RNF216: variants seen among roughly 807,000 people sequenced by gnomAD.
RNF216 encodes the protein ring finger protein 216.
A neutral mutation model predicts 110.8 loss-of-function variants in RNF216; 72 were observed. That is an observed-to-expected ratio of 0.65 (90% CI 0.54 to 0.79). The LOEUF is 0.79. Ranked by LOEUF, RNF216 falls within the 30% of genes least tolerant of loss-of-function variation. RNF216 has a pLI of 0.00. For synonymous variants in RNF216, 495 were observed against 407.5 expected, an observed-to-expected ratio of 1.21 and a Z score of -2.59; for missense variants, 1,342 against 1,141.2, an observed-to-expected ratio of 1.18 and a Z score of -2.54.
chr7:5,695,074 C>T (rs1239183732), intron 13 of RNF216, among the ~76,000 whole-genome samples: 2 of 152,134 alleles, frequency 1.3e-5, no homozygotes, highest in Non-Finnish European at 2.9e-5. Context: ...TAGGGAACTA[C>T]CCCTGAACCC....
intron 1 of RNF216, among the ~76,000 whole-genome samples, chr7:5,773,521 G>A (rs919699524): frequency 1.3e-5 from 2 of 152,026 alleles, no homozygotes; most frequent in Non-Finnish European, 2.9e-5. Context: ...GATTACAGGA[G>A]TGAGCCACCA....
intron 13 of RNF216, among the ~76,000 whole-genome samples, chr7:5,663,323 G>A (rs1295003244): frequency 2.0e-5 from 3 of 152,192 alleles, no homozygotes; most frequent in Non-Finnish European, 4.4e-5. Flanking sequence ...GCTTACGCCT[G>A]TAATCCCAGC....
chr7:5,634,700 G>C (rs1057308474), intron 15 of RNF216, among the ~76,000 whole-genome samples: 1 of 152,242 alleles, frequency 6.6e-6, no homozygotes, highest in Non-Finnish European at 1.5e-5. Context: ...CAAGGACCTG[G>C]AGATGGGGGC....
chr7:5,699,019 G>C (rs576373453), intron 13 of RNF216, among the ~76,000 whole-genome samples: 1 of 152,142 alleles, frequency 6.6e-6, no homozygotes, highest in African/African-American at 2.4e-5. Context: ...ACTGAAGACA[G>C]CTAGAGTTTT....
At chr7:5,655,068 T>G (rs1788647975) in intron 13 of RNF216, among the ~76,000 whole-genome samples, 1 of 152,248 alleles carries the variant, frequency 6.6e-6, no homozygotes, top group African/African-American at 2.4e-5. Context: ...TAGATACTTT[T>G]TAGCATTCCT....
intron 10 of RNF216, among the ~76,000 whole-genome samples, chr7:5,716,010 G>A (rs1793039354): frequency 6.6e-6 from 1 of 151,838 alleles, no homozygotes; most frequent in African/African-American, 2.4e-5. Context: ...CGAAGTGCTG[G>A]GATTACAGGA....
chr7:5,770,442 C>T (rs189783609), intron 1 of RNF216, among the ~76,000 whole-genome samples: 199 of 148,328 alleles, frequency 1.3e-3, no homozygotes, highest in African/African-American at 4.8e-3. Context: ...GCCTGGGCAA[C>T]GAGAGCAAAA....
chr7:5,768,141 A>G (rs1454903908), intron 1 of RNF216, among the ~76,000 whole-genome samples: 5 of 151,782 alleles, frequency 3.3e-5, no homozygotes, highest in Non-Finnish European at 7.4e-5. Flanking sequence ...TTCATTCATA[A>G]TGTCCAGACT....
chr7:5,639,957 C>T (rs565077148), intron 15 of RNF216, among the ~76,000 whole-genome samples: 38 of 151,800 alleles, frequency 2.5e-4, no homozygotes, highest in Non-Finnish European at 3.4e-4. Context: ...GACGGGGTTT[C>T]GCCATGTTAG....
At position 5,725,344 on chromosome 7, in the gene RNF216, A is replaced by G. The variant is rs1793684389; in HGVS notation, c.1484T>C (p.Ile495Thr). Reference sequence around the variant, plus strand: ...ATTACCTTGTTCAAACTTGAAATCAATGTAAGAATACTGGTTCATTTGTTT... The same window carrying G: ...ATTACCTTGTTCAAACTTGAAATCAGTGTAAGAATACTGGTTCATTTGTTT... ...KRKQMNQYSY[I>T]DFKFEQGDIK... is the part of the protein sequence containing the mutation. Residue 495 changes from isoleucine (I) to threonine (T), a missense_variant, in exon 8 of 17, where the codon ATT becomes ACT. By Grantham distance (89) the Ile-to-Thr change is moderately conservative. Transcript: ENST00000389902. The G allele has an allele frequency of 5.6e-6, 9 of 1,606,420 alleles. No homozygotes were observed. Among genetic ancestry groups the G allele is most frequent in the African/African-American group, 5.4e-5 (4 of 74,748 alleles).
chr7:5,753,217 C>A (rs1795427242), intron 2 of RNF216, among the ~76,000 whole-genome samples: 3 of 152,170 alleles, frequency 2.0e-5, no homozygotes, highest in Admixed American at 1.3e-4. Context: ...TCAAGATTAT[C>A]AACTTTTTCT....
chr7:5,675,390 C>T (rs1010208727), intron 13 of RNF216, among the ~76,000 whole-genome samples: 1 of 152,168 alleles, frequency 6.6e-6, no homozygotes, highest in South Asian at 2.1e-4. Context: ...TAAATCCCAG[C>T]ACTTTGGAAC....
intron 3 of RNF216, among the ~76,000 whole-genome samples, chr7:5,745,937 A>G (rs940695803): frequency 8.6e-5 from 13 of 150,684 alleles, no homozygotes; most frequent in African/African-American, 2.9e-4. Context: ...CTTACTCTCC[A>G]TTTTGGAATG....
intron 3 of RNF216, among the ~76,000 whole-genome samples, chr7:5,742,565 T>A (rs1009030923): frequency 6.7e-6 from 1 of 150,228 alleles, no homozygotes; most frequent in African/African-American, 2.4e-5. Context: ...ATACCAAGCA[T>A]TGGTGAGGAT....
chr7:5,764,237 C>T (rs1409795038), intron 1 of RNF216, among the ~76,000 whole-genome samples: 1 of 151,232 alleles, frequency 6.6e-6, no homozygotes, highest in Non-Finnish European at 1.5e-5. Flanking sequence ...AGATAAGTAT[C>T]CATTCAAACC....
chr7:5,763,044 G>T (rs142502725), intron 1 of RNF216, among the ~76,000 whole-genome samples: 1 of 152,104 alleles, frequency 6.6e-6, no homozygotes, highest in Non-Finnish European at 1.5e-5. Context: ...CAAAGCAGCA[G>T]AACTACTGAA....
intron 13 of RNF216, chr7:5,662,317 AG>A (rs1789200600): frequency 2.6e-5 from 4 of 152,170 alleles, no homozygotes; most frequent in South Asian, 2.1e-4. Context: ...GTATAGCAAA[AG>A]GAAGTCCATT....
chr7:5,694,185 A>C (rs949766626), intron 13 of RNF216, among the ~76,000 whole-genome samples: 1 of 152,228 alleles, frequency 6.6e-6, no homozygotes, highest in East Asian at 1.9e-4. Flanking sequence ...GGCATTTTGT[A>C]AACTTTCCAT....
At chr7:5,736,030 C>T (rs1160871733) in intron 5 of RNF216, among the ~76,000 whole-genome samples, 1 of 152,176 alleles carries the variant, frequency 6.6e-6, no homozygotes, top group African/African-American at 2.4e-5. Flanking sequence ...GAGATGGAGG[C>T]TGCAGTGAGC....
Sources: allele counts gnomAD v4.1 joint callset (sites outside exome capture counted in the v4.1 genomes callset), GRCh38; gene constraint gnomAD v4.1.1; transcripts MANE v1.5; gene names NCBI Gene and HGNC (gene_info 2026-07-23, HGNC 2026-07-21).